TTLL2: variants seen among roughly 807,000 people sequenced by gnomAD.
TTLL2 encodes tubulin tyrosine ligase like 2, also known as probable tubulin polyglutamylase TTLL2.
A neutral mutation model predicts 7.5 loss-of-function variants in TTLL2; 10 were observed. That is an observed-to-expected ratio of 1.33 (90% CI 0.82 to 2.25). The LOEUF (loss-of-function observed/expected upper bound fraction) is 2.25, where lower values mean the gene tolerates loss of function less well. Among genes scored for constraint, TTLL2 ranks in the 30% most tolerant of loss-of-function variants. The probability of loss-of-function intolerance (pLI) is 0.00; values close to 1 mark genes in which losing one functional copy is unlikely to be tolerated. For synonymous variants in TTLL2, 284 were observed against 280.3 expected (o/e 1.01, Z -0.13); for missense variants, 733 against 735.7 (o/e 1.00, Z 0.04).
chr6:167,332,191 G>T (rs1043354863), intron 1 of TTLL2, among the ~76,000 whole-genome samples: 7 of 152,142 alleles, frequency 4.6e-5, no homozygotes, highest in African/African-American at 1.4e-4. Context: ...GGAAAGTGAG[G>T]CACGGAAAAT....
At position 167,325,193 on chromosome 6, in the gene TTLL2, G is replaced by T. The variant is rs1298591053; in HGVS notation, c.20G>T (p.Cys7Phe). The change falls in exon 1 of 3, where the codon TGT becomes TTT. Residue 7 changes from cysteine (C) to phenylalanine (F), a missense_variant. Coordinates refer to ENST00000239587, the MANE Select transcript of TTLL2 (RefSeq NM_031949.5). ...CGCCCAATGAGAGGGCGGGACCTGT[G>T]TTCCTCCACACAAAGCCAGGCGCTG... MRGRDL[C>F]SSTQSQALGS... The T allele has an allele frequency of 6.3e-7, 1 of 1,578,966 alleles. No individual in the cohort carries two copies. Among genetic ancestry groups the T allele is most frequent in the Non-Finnish European group, 8.6e-7 (1 of 1,163,162 alleles).
At chr6:167,338,518 A>C in intron 1 of TTLL2, 129 bp from the exon 2 acceptor site, 1 of 1,262,586 alleles carries the variant, frequency 7.9e-7, no homozygotes, top group Non-Finnish European at 1.1e-6. Flanking sequence ...ATTTGAAAGC[A>C]TTACTGCAAA....
chr6:167,341,340 T>C lies in TTLL2; in HGVS notation c.1440T>C (p.Pro480=). Residue 480 remains proline (P), a synonymous_variant, in exon 3 of 3, where the codon CCT becomes CCC. Coordinates refer to ENST00000239587, the MANE Select transcript of TTLL2 (RefSeq NM_031949.5). The part of the protein sequence containing the change: ...SVVEKAVSVR[P]EAAPASQLEG... Reference sequence around the variant, plus strand: ...TGGAGAAAGCTGTGAGTGTGCGTCCTGAAGCTGCACCTGCCTCCCAGCTGG... The same window carrying C: ...TGGAGAAAGCTGTGAGTGTGCGTCCCGAAGCTGCACCTGCCTCCCAGCTGG... The C allele has an allele frequency of 6.2e-7, 1 of 1,613,876 alleles. No individual in the cohort carries two copies.
chr6:167,335,802 C>T (rs1163328240), intron 1 of TTLL2, among the ~76,000 whole-genome samples: 1 of 129,366 alleles, frequency 7.7e-6, no homozygotes, highest in Non-Finnish European at 1.5e-5. Flanking sequence ...AGGGGAATAT[C>T]ATACTCTGGG....
At chr6:167,326,958 G>T (rs1344021055) in intron 1 of TTLL2, among the ~76,000 whole-genome samples, 1 of 152,134 alleles carries the variant, frequency 6.6e-6, no homozygotes, top group Non-Finnish European at 1.5e-5. Context: ...ACAGGAAAAG[G>T]CTGTGGCTTA....
intron 1 of TTLL2, among the ~76,000 whole-genome samples, chr6:167,331,444 T>C (rs1388256315): frequency 1.3e-5 from 2 of 152,172 alleles, no homozygotes; most frequent in Non-Finnish European, 1.5e-5. Flanking sequence ...AAACCTCTGT[T>C]GTACGTTTTA....
chr6:167,336,848 G>T (rs1309198729), intron 1 of TTLL2, among the ~76,000 whole-genome samples: 1 of 152,234 alleles, frequency 6.6e-6, no homozygotes, highest in East Asian at 1.9e-4. Context: ...AACAGCATTT[G>T]CTTCCTTCAG....
intron 1 of TTLL2, among the ~76,000 whole-genome samples, chr6:167,336,105 A>G (rs903222727): frequency 2.6e-5 from 4 of 152,062 alleles, no homozygotes; most frequent in Non-Finnish European, 5.9e-5. Context: ...GTGCCATAGT[A>G]AACACAGGTG....
rs142961035 is a variant in TTLL2 at position 167,336,357 on chromosome 6, T to C, written c.48-2290T>C. Among the ~76,000 whole-genome samples, 983 of 152,230 alleles carry C rather than the reference T, an allele frequency of 6.5e-3. 6 individuals are homozygous for C. The highest frequency in any genetic ancestry group is 9.7e-3 in the Non-Finnish European group (660 of 68,020). On this transcript the variant is annotated intron_variant, in intron 1 of 2. Transcript: ENST00000239587. ...ATAATATATGTTATGATATAATATA[T>C]CTAATTAAGTATTGTCACTATGTTC...
intron 1 of TTLL2, among the ~76,000 whole-genome samples, chr6:167,334,406 A>G (rs553719808): frequency 0.074 from 11,115 of 149,968 alleles, 557 homozygotes; most frequent in African/African-American, 0.12. Context: ...GTGCTGAAAA[A>G]AAATGTATAT....
rs754399268 is a variant in TTLL2, at chr6:167,340,736, G to A, written c.836G>A (p.Arg279Gln). ...TIYVYQEGLV[R>Q]FATEKFDLSN... ...TATGTTTATCAGGAAGGGTTGGTTCGGTTTGCCACGGAAAAGTTTGACCTC... is the reference window on the plus strand; with the variant it reads ...TATGTTTATCAGGAAGGGTTGGTTCAGTTTGCCACGGAAAAGTTTGACCTC... Residue 279 changes from arginine (R) to glutamine (Q), a missense_variant, in exon 3 of 3, where the codon CGG becomes CAG. Physicochemically the swap from Arg to Gln is conservative, Grantham distance 43 (BLOSUM62 1). Coordinates refer to ENST00000239587, the MANE Select transcript of TTLL2 (RefSeq NM_031949.5). 9 of 1,614,108 alleles carry A rather than the reference G, an allele frequency of 5.6e-6. No homozygotes were observed. Among genetic ancestry groups the A allele is most frequent in the Admixed American group, 1.7e-5 (1 of 60,028 alleles).
chr6:167,338,867 C>CCTTCCTTCCTTCCTTT lies in TTLL2; in HGVS notation c.204+64_204+65insCTTCCTTCCTTCCTTT, dbSNP rs1201158018. ...TCCTTCCTTCCTTCCTTCCTTCCTT[C>CCTTCCTTCCTTCCTTT]TTTCCTCCTTCTTTTTTCCCCTCCC... On this transcript the variant is annotated intron_variant, in intron 2 of 2. Coordinates refer to ENST00000239587, the MANE Select transcript of TTLL2 (RefSeq NM_031949.5). 5 of 1,459,654 alleles carry CCTTCCTTCCTTCCTTT rather than the reference C, an allele frequency of 3.4e-6. No individual in the cohort carries two copies. In the African/African-American group the frequency reaches 7.2e-5, roughly 21 times the overall value. The allele number at this position is 1,459,654 out of a possible 1,614,324, so 90.4% of individuals were successfully genotyped here. A position where few individuals can be genotyped will look rare whatever the true frequency, so the allele number is the denominator to read the frequency against.
Position 167,341,018 on chromosome 6 carries a change from A to T in TTLL2, c.1118A>T (p.Asp373Val). The T allele has an allele frequency of 6.2e-7, 1 of 1,614,056 alleles. No individual in the cohort carries two copies. The highest frequency in any genetic ancestry group is 8.5e-7 in the Non-Finnish European group (1 of 1,180,008). ...AANCFELFGF[D>V]ILIDDNLKPW... The stretch of plus-strand genomic sequence containing the variant: ...AATTGCTTTGAGCTCTTTGGGTTTG[A>T]TATTTTGATTGATGACAACTTGAAA... The change falls in exon 3 of 3, where the codon GAT becomes GTT. Residue 373 changes from aspartate to valine, a missense_variant. Transcript: ENST00000239587.
At chr6:167,327,645 G>T (rs1462608771) in intron 1 of TTLL2, among the ~76,000 whole-genome samples, 1 of 152,112 alleles carries the variant, frequency 6.6e-6, no homozygotes, top group Non-Finnish European at 1.5e-5. Flanking sequence ...CATATTTACG[G>T]CTTGGCTACA....
In TTLL2 at chr6:167,342,603, G is replaced by T. The variant is rs1158489010; in HGVS notation, c.*924G>T. Among the ~76,000 whole-genome samples the T allele has an allele frequency of 2.0e-5, 3 of 152,222 alleles. No individual in the cohort carries two copies. In the East Asian group the frequency reaches 5.8e-4, roughly 29 times the overall value. On this transcript the variant is annotated 3_prime_UTR_variant, in exon 3 of 3. Coordinates refer to ENST00000239587, the MANE Select transcript of TTLL2 (RefSeq NM_031949.5). ...CTGGAACTATATAGAGGTGATGGTT[G>T]CACAACACGGGGAATTCACTAAGTA...
intron 1 of TTLL2, among the ~76,000 whole-genome samples, chr6:167,330,248 T>C (rs1307495007): frequency 1.3e-5 from 2 of 152,180 alleles, no homozygotes; most frequent in Admixed American, 1.3e-4. Context: ...GTACAGTTTT[T>C]CAATGTTTGA....
intron 2 of TTLL2, 69 bp downstream of exon 2, chr6:167,338,872 C>T (rs183370625): frequency 0.019 from 23,285 of 1,216,834 alleles, 263 homozygotes; most frequent in Non-Finnish European, 0.023. Flanking sequence ...TCCTTCTTTC[C>T]TCCTTCTTTT....
rs1298247568 is a variant in TTLL2 at position 167,340,837 on chromosome 6, A to G, written c.937A>G (p.Lys313Glu). The G allele has an allele frequency of 1.9e-6, 3 of 1,614,192 alleles. No homozygotes were observed. The South Asian group carries it at 3.3e-5, about 18-fold the overall frequency. The change falls in exon 3 of 3, where the codon AAA (lysine) becomes GAA (glutamate). Residue 313 changes from lysine to glutamate, a missense_variant. Physicochemically the swap from Lys to Glu is moderately conservative, Grantham distance 56. Transcript: ENST00000239587. Reference protein sequence around the residue: ...NKSGASYEKIKEVIGHGCKWT... With the variant: ...NKSGASYEKIEEVIGHGCKWT... ...ATCCGGGGCCTCTTATGAGAAGATC[A>G]AAGAAGTGATTGGTCATGGTTGTAA...
rs541689657 is a variant in TTLL2, at chr6:167,336,728, T to C, written c.48-1919T>C. On this transcript the variant is annotated intron_variant, in intron 1 of 2. Coordinates refer to ENST00000239587, the MANE Select transcript of TTLL2 (RefSeq NM_031949.5). ...ACCCGTGCAGAACTAAAAATTGCAC[T>C]GAAGAGCTTGTGGTCTTGTTTGTTC... is the stretch of plus-strand genomic sequence containing the variant. Among the ~76,000 whole-genome samples, 4 of 152,244 alleles carry C rather than the reference T, an allele frequency of 2.6e-5. No individual in the cohort carries two copies. The East Asian group carries it at 7.7e-4, about 29-fold the overall frequency.
Sources: allele counts gnomAD v4.1 joint callset (sites outside exome capture counted in the v4.1 genomes callset), GRCh38; gene constraint gnomAD v4.1.1; transcripts MANE v1.5; gene names NCBI Gene and HGNC (gene_info 2026-07-23, HGNC 2026-07-21).